RBFOX1: variants seen among roughly 807,000 people sequenced by gnomAD.
The protein encoded by RBFOX1 is RNA binding fox-1 homolog 1.
A neutral mutation model predicts 57.7 loss-of-function variants in RBFOX1; 8 were observed. The ratio of observed to expected loss-of-function variants is 0.14; its 90% CI spans 0.08 to 0.25. The LOEUF (loss-of-function observed/expected upper bound fraction) is 0.25, where lower values mean the gene tolerates loss of function less well. Ranked by LOEUF, RBFOX1 falls within the 10% of genes least tolerant of loss-of-function variation. The pLI is 1.00. For synonymous variants in RBFOX1, 326 were observed against 222.4 expected, an observed-to-expected ratio of 1.47 and a Z score of -4.15; for missense variants, 611 against 548.5, an observed-to-expected ratio of 1.11 and a Z score of -1.14.
At chr16:6,601,443 G>C (rs1341331543) in intron 2 of RBFOX1, among the ~76,000 whole-genome samples, 2 of 152,096 alleles carry the variant, frequency 1.3e-5, no homozygotes, top group African/African-American at 4.8e-5. Context: ...ATCGGTGTTT[G>C]TCATTTACCT....
chr16:5,783,519 C>T lies in RBFOX1; in HGVS notation c.319-83784C>T, dbSNP rs11866224. Among the ~76,000 whole-genome samples the T allele has an allele frequency of 4.4e-3, 667 of 152,250 alleles. 5 individuals are homozygous for T. The highest frequency in any genetic ancestry group is 0.015 in the African/African-American group (630 of 41,538). On this transcript the variant is annotated intron_variant, in intron 3 of 19. Coordinates refer to the RBFOX1 transcript ENST00000641259. ...TGGATAGAAAAAAATCACCCTCATC[C>T]CGTTATCCAGACATCACGTCTGTTT...
intron 4 of RBFOX1, among the ~76,000 whole-genome samples, chr16:7,412,812 G>A (rs1597799740): frequency 6.6e-6 from 1 of 152,196 alleles, no homozygotes; most frequent in African/African-American, 2.4e-5. Context: ...GGAGGCCGAG[G>A]CAGGCGGACT....
At chr16:5,542,393 C>T (rs887346036) in intron 2 of RBFOX1, among the ~76,000 whole-genome samples, 2 of 151,634 alleles carry the variant, frequency 1.3e-5, no homozygotes, top group African/African-American at 2.4e-5. Context: ...GGATTACAGG[C>T]ATGCGCCACC....
rs145822925 is a variant in RBFOX1 at position 5,947,571 on chromosome 16, T to C, written c.351+80236T>C. Among the ~76,000 whole-genome samples the C allele has an allele frequency of 5.9e-5, 9 of 152,240 alleles. No homozygotes were observed. The highest frequency in any genetic ancestry group is 1.0e-4 in the Non-Finnish European group (7 of 68,004). Reference sequence around the variant, plus strand: ...CTCCTAGCCCCAAGCAATTCTCACATATCAGCCTCCCAAAGTGCTGGGATT... The same window carrying C: ...CTCCTAGCCCCAAGCAATTCTCACACATCAGCCTCCCAAAGTGCTGGGATT... On this transcript the variant is annotated intron_variant, in intron 4 of 19. Transcript: ENST00000641259. This position sits in a 1 kb window ranked among gnomAD's most constrained non-coding sequence, Gnocchi z 7.2.
intron 4 of RBFOX1, among the ~76,000 whole-genome samples, chr16:5,995,118 C>G (rs914532986): frequency 3.3e-5 from 5 of 152,194 alleles, no homozygotes; most frequent in African/African-American, 1.2e-4. Flanking sequence ...GTACCTTACA[C>G]TATAACCTGC....
intron 2 of RBFOX1, among the ~76,000 whole-genome samples, chr16:6,392,756 C>G (rs374855054): frequency 3.1e-4 from 47 of 152,198 alleles, no homozygotes; most frequent in African/African-American, 1.1e-3. Context: ...AAATTCCCTC[C>G]TTCCTTTGCA....
chr16:7,443,205 C>T (rs1041458015), intron 4 of RBFOX1, among the ~76,000 whole-genome samples: 1 of 151,734 alleles, frequency 6.6e-6, no homozygotes, highest in African/African-American at 2.4e-5. Flanking sequence ...GTACTACCAC[C>T]TTTTTTTTAA....
intron 3 of RBFOX1, among the ~76,000 whole-genome samples, chr16:5,670,316 T>C (rs1010942182): frequency 5.3e-5 from 8 of 152,226 alleles, no homozygotes; most frequent in Non-Finnish European, 1.0e-4. Context: ...TTTAATCTTA[T>C]ATGCATTTCA....
At chr16:6,936,127 T>C (rs1442014468) in intron 3 of RBFOX1, among the ~76,000 whole-genome samples, 1 of 152,212 alleles carries the variant, frequency 6.6e-6, no homozygotes, top group East Asian at 1.9e-4. Flanking sequence ...GTTCAGCTTC[T>C]GTACACTTGA....
intron 3 of RBFOX1, among the ~76,000 whole-genome samples, chr16:7,003,736 A>C (rs1189195301): frequency 1.3e-5 from 2 of 152,090 alleles, no homozygotes; most frequent in African/African-American, 4.8e-5. Context: ...GTTAGTATGT[A>C]TTAGAAAAAA....
At chr16:5,989,812 T>C (rs1034119659) in intron 4 of RBFOX1, among the ~76,000 whole-genome samples, 1 of 141,900 alleles carries the variant, frequency 7.0e-6, no homozygotes, top group African/African-American at 2.6e-5. Flanking sequence ...CCGAACTCTT[T>C]ATAAGAAATG....
intron 2 of RBFOX1, among the ~76,000 whole-genome samples, chr16:6,608,375 G>C (rs774226685): frequency 4.6e-5 from 7 of 152,092 alleles, no homozygotes; most frequent in Non-Finnish European, 1.0e-4. Context: ...CCTCTTTGTG[G>C]GTTTTGTTTA....
intron 4 of RBFOX1, among the ~76,000 whole-genome samples, chr16:7,156,049 A>G (rs2077050895): frequency 6.6e-6 from 1 of 151,950 alleles, no homozygotes; most frequent in South Asian, 2.1e-4. Context: ...GTATATAGGT[A>G]TACATGTAGA....
intron 4 of RBFOX1, among the ~76,000 whole-genome samples, chr16:7,334,187 T>G (rs148212157): frequency 3.9e-5 from 6 of 152,278 alleles, no homozygotes; most frequent in Non-Finnish European, 5.9e-5. Context: ...TAGAGTCATC[T>G]GGGGGTGATT....
intron 1 of RBFOX1, among the ~76,000 whole-genome samples, chr16:6,034,332 A>C (rs1291998483): frequency 3.3e-5 from 1 of 30,658 alleles, no homozygotes; most frequent in African/African-American, 1.6e-4. Context: ...ACTGTTGCGC[A>C]AAAAAAAAAA....
Position 7,221,930 on chromosome 16 carries a change from A to G in RBFOX1, c.27+169832A>G, listed in dbSNP as rs2092761315. Among the ~76,000 whole-genome samples the G allele has an allele frequency of 2.0e-5, 3 of 152,216 alleles. No homozygotes were observed. In the South Asian group the frequency reaches 6.2e-4, roughly 32 times the overall value. On this transcript the variant is annotated intron_variant, in intron 4 of 15. Transcript: ENST00000550418. Reference sequence around the variant, plus strand: ...CCAACCACAAAATGGGTAGAAAATGATGAAATGCAGAAGAGGCTTCTAAGT... The same window carrying G: ...CCAACCACAAAATGGGTAGAAAATGGTGAAATGCAGAAGAGGCTTCTAAGT...
At position 6,288,997 on chromosome 16, in the gene RBFOX1, G is replaced by A. The variant is rs946536295; in HGVS notation, c.-126-27998G>A. On this transcript the variant is annotated intron_variant, in intron 1 of 15. Transcript: ENST00000550418. ...TCCAGTGGTGTGAGAAGAGTAAGCA[G>A]GGATTGAGTGTGTCTCCAGAATCTG... Among the ~76,000 whole-genome samples, 4 of 152,118 alleles carry A rather than the reference G, an allele frequency of 2.6e-5. No individual in the cohort carries two copies. The East Asian group carries it at 7.7e-4, about 29-fold the overall frequency.
chr16:7,691,075 T>C (rs1030117344), intron 14 of RBFOX1, among the ~76,000 whole-genome samples: 6 of 152,166 alleles, frequency 3.9e-5, no homozygotes, highest in Non-Finnish European at 8.8e-5. Flanking sequence ...TGACACCTTA[T>C]GGTGACCTTT....
chr16:6,694,985 G>T (rs898121911), intron 3 of RBFOX1, among the ~76,000 whole-genome samples: 1 of 151,912 alleles, frequency 6.6e-6, no homozygotes, highest in African/African-American at 2.4e-5. Context: ...TAGGTGAAGG[G>T]AAAAAAATGA....
Sources: gnomAD v4.1 joint callset for allele counts (sites outside exome capture counted in the v4.1 genomes callset) on GRCh38, gnomAD v4.1.1 for gene constraint, Gnocchi (gnomAD v3.1) non-coding constraint, MANE v1.5 for transcripts, NCBI Gene and HGNC (gene_info 2026-07-23, HGNC 2026-07-21) for gene names.